The following TSPAN16 variants were observed in gnomAD, a reference collection of about 807,000 sequenced individuals.
The protein encoded by TSPAN16 is tetraspanin-16.
Under a neutral mutation model 25.2 loss-of-function variants are expected in TSPAN16, and 23 were observed. That is an observed-to-expected ratio of 0.91 (90% CI 0.66 to 1.29). The LOEUF (loss-of-function observed/expected upper bound fraction) is 1.29, where lower values mean the gene tolerates loss of function less well. Among genes scored for constraint, TSPAN16 ranks in the 50% most tolerant of loss-of-function variants. TSPAN16 has a pLI of 0.00. For missense variants in TSPAN16, 272 were observed against 299.9 expected, an observed-to-expected ratio of 0.91 and a Z score of 0.69; for synonymous variants, 123 against 124.4, an observed-to-expected ratio of 0.99 and a Z score of 0.08.
chr19:11,302,669 A>ATATATG (rs1555703605), intron 4 of TSPAN16, among the ~76,000 whole-genome samples: 3,493 of 126,726 alleles, frequency 0.028, 170 homozygotes, highest in African/African-American at 0.14. Context: ...ACATATATAT[A>ATATATG]TATATATATA....
chr19:11,297,526 T>G (rs2080492073), intron 1 of TSPAN16, among the ~76,000 whole-genome samples: 1 of 139,094 alleles, frequency 7.2e-6, no homozygotes, highest in Non-Finnish European at 1.6e-5. Flanking sequence ...AGACGGAGTC[T>G]TGCTCTGTCA....
intron 3 of TSPAN16, chr19:11,300,959 A>T (rs1305623595): frequency 1.0e-5 from 4 of 398,688 alleles, no homozygotes; most frequent in African/African-American, 5.9e-5. Flanking sequence ...TTCGTGTGCG[A>T]TGGGTACAGA....
downstream of TSPAN16, chr19:11,315,974 G>T (rs1006728114): frequency 1.2e-5 from 15 of 1,226,592 alleles, no homozygotes; most frequent in Non-Finnish European, 1.5e-5. Flanking sequence ...CCCCTGTCCA[G>T]CCTGACTTCT....
chr19:11,319,130 CTCACT>C, downstream of TSPAN16, among the ~76,000 whole-genome samples: 1 of 152,332 alleles, frequency 6.6e-6, no homozygotes, highest in African/African-American at 2.4e-5. Flanking sequence ...CTGAGCTTCC[CTCACT>C]TCAGAGGTAT....
intron 4 of TSPAN16, among the ~76,000 whole-genome samples, chr19:11,303,840 G>A (rs750392636): frequency 2.6e-5 from 4 of 151,480 alleles, no homozygotes; most frequent in Non-Finnish European, 5.9e-5. Flanking sequence ...TTGGAGTGCA[G>A]TGGCGCAATC....
chr19:11,301,116 C>T, intron 3 of TSPAN16, 85 bp from the exon 4 acceptor site: 1 of 1,144,172 alleles, frequency 8.7e-7, no homozygotes. Flanking sequence ...GCTCCCACCT[C>T]CCACTCTATC....
At chr19:11,297,064 A>C (rs2080486312) in intron 1 of TSPAN16, among the ~76,000 whole-genome samples, 1 of 152,154 alleles carries the variant, frequency 6.6e-6, no homozygotes. Flanking sequence ...AAGAATAAAA[A>C]CATAAAAAGA....
At chr19:11,314,962 G>T (rs1191610046) in intron 6 of TSPAN16, among the ~76,000 whole-genome samples, 1 of 152,106 alleles carries the variant, frequency 6.6e-6, no homozygotes, top group Non-Finnish European at 1.5e-5. Flanking sequence ...TGGGCCAGGC[G>T]CGGTAGTTCA....
At chr19:11,302,847 T>G (rs1335650036) in intron 4 of TSPAN16, among the ~76,000 whole-genome samples, 1 of 150,614 alleles carries the variant, frequency 6.6e-6, no homozygotes, top group African/African-American at 2.4e-5. Context: ...GCCTCTTGAG[T>G]AGCTGGGACT....
intron 5 of TSPAN16, among the ~76,000 whole-genome samples, chr19:11,307,101 C>T (rs1348423061): frequency 6.6e-6 from 1 of 150,930 alleles, no homozygotes; most frequent in African/African-American, 2.4e-5. Context: ...AGCTACTGTA[C>T]CCAGCCTTTT....
Position 11,315,875 on chromosome 19 carries a change from T to G in TSPAN16, c.*37T>G. 2 of 1,231,856 alleles carry G rather than the reference T, an allele frequency of 1.6e-6. No homozygotes were observed. The highest frequency in any genetic ancestry group is 2.0e-6 in the Non-Finnish European group (2 of 987,768). 76.3% of individuals were successfully genotyped at this position (1,231,856 alleles called of 1,614,324 possible). On this transcript the variant is annotated 3_prime_UTR_variant, in exon 7 of 7. Coordinates refer to ENST00000590327, the MANE Select transcript of TSPAN16 (RefSeq NM_001282509.2). ...GGAGAAGATGAGACACCTGGGCCCA[T>G]CTGGCTGCTGGAGATTCAGTCTCAG...
chr19:11,312,817 A>G (rs1467030860), intron 6 of TSPAN16, among the ~76,000 whole-genome samples: 2 of 152,138 alleles, frequency 1.3e-5, no homozygotes, highest in Non-Finnish European at 2.9e-5. Flanking sequence ...AAAAAGGGAA[A>G]GATTACTCAA....
At chr19:11,315,695 G>A (rs2080742308) in intron 6 of TSPAN16, 96 bp from the exon 7 acceptor site, 1 of 1,036,458 alleles carries the variant, frequency 9.6e-7, no homozygotes, top group South Asian at 5.0e-5. Context: ...TCGCCTTTCT[G>A]GAACAGGATG....
At chr19:11,298,070 C>T (rs2080498661) in intron 1 of TSPAN16, 72 bp from the exon 2 acceptor site, 1 of 1,522,116 alleles carries the variant, frequency 6.6e-7, no homozygotes, top group South Asian at 1.2e-5. Context: ...GCATGAGCCA[C>T]CGCACTCACC....
At chr19:11,305,749 C>T (rs536180485) in intron 4 of TSPAN16, among the ~76,000 whole-genome samples, 1 of 151,968 alleles carries the variant, frequency 6.6e-6, no homozygotes, top group African/African-American at 2.4e-5. Context: ...ACCTGTAGTC[C>T]CAGCTACTCA....
rs531845322 is a variant in TSPAN16, at chr19:11,315,835, C to A, written c.732C>A (p.Gly244=). Residue 244 remains glycine (G), a synonymous_variant, in exon 7 of 7, where the codon GGC becomes GGA. Coordinates refer to ENST00000590327, the MANE Select transcript of TSPAN16 (RefSeq NM_001282509.2). ...LATLLLFIKL[G] ...CTTTGCTGCTGTTTATCAAGCTGGG[C>A]TGACACCCAGGCCTGGAGAAGATGA... 16 of 1,231,940 alleles carry A rather than the reference C, an allele frequency of 1.3e-5. No individual in the cohort carries two copies. The African/African-American group carries it at 2.3e-4, about 18-fold the overall frequency. 76.3% of individuals were successfully genotyped at this position (1,231,940 alleles called of 1,614,324 possible).
chr19:11,314,384 C>A (rs1227278193), intron 6 of TSPAN16, among the ~76,000 whole-genome samples: 2 of 152,128 alleles, frequency 1.3e-5, no homozygotes, highest in Non-Finnish European at 2.9e-5. Context: ...GTGCTCCATG[C>A]CCCTGGTTGC....
Position 11,312,186 on chromosome 19 carries a change from C to G in TSPAN16, c.651C>G (p.Thr217=). 1 of 1,612,416 alleles carries G rather than the reference C, an allele frequency of 6.2e-7. No homozygotes were observed. The highest frequency in any genetic ancestry group is 8.5e-7 in the Non-Finnish European group (1 of 1,179,578). ...AAATCACCAAGACTCAGAGCTTCAC[C>G]CTGAGTGGGAGCTCTCTGGGAGCTG... The part of the protein sequence containing the change: ...LLKITKTQSF[T]LSGSSLGAAV... Residue 217 remains threonine, a synonymous_variant, in exon 6 of 7, where the codon ACC becomes ACG. Coordinates refer to ENST00000590327, the MANE Select transcript of TSPAN16 (RefSeq NM_001282509.2).
intron 6 of TSPAN16, chr19:11,321,293 C>G (rs966223333): frequency 2.0e-5 from 3 of 152,136 alleles, no homozygotes; most frequent in African/African-American, 7.2e-5. Context: ...AAGCCAGATA[C>G]CTTCTTCACA....
Sources: allele counts gnomAD v4.1 joint callset (sites outside exome capture counted in the v4.1 genomes callset), GRCh38; gene constraint gnomAD v4.1.1; transcripts MANE v1.5; gene names NCBI Gene and HGNC (gene_info 2026-07-23, HGNC 2026-07-21).